Variants in GGA2 observed in about 807,000 individuals in gnomAD.
GGA2 encodes the protein ADP-ribosylation factor-binding protein GGA2.
A neutral mutation model predicts 79.5 loss-of-function variants in GGA2; 48 were observed. The observed-to-expected ratio is 0.60, with a 90% CI of 0.48 to 0.77. The LOEUF is 0.77. GGA2 is among the 30% of genes least tolerant of loss of function. The probability of loss-of-function intolerance (pLI) is 0.00; values close to 1 mark genes in which losing one functional copy is unlikely to be tolerated. For missense variants in GGA2, 770 were observed against 774.0 expected, an observed-to-expected ratio of 0.99 and a Z score of 0.06; for synonymous variants, 317 against 302.0, an observed-to-expected ratio of 1.05 and a Z score of -0.51.
intron 1 of GGA2, among the ~76,000 whole-genome samples, chr16:23,509,493 A>C (rs1020808123): frequency 2.6e-5 from 4 of 152,084 alleles, no homozygotes; most frequent in Admixed American, 6.6e-5. Context: ...ACCCACTAAA[A>C]AATGTTTTGG....
At position 23,467,409 on chromosome 16, in the gene GGA2, C is replaced by CACACACACACAG; in HGVS notation, c.*180_*181insCTGTGTGTGTGT. ...CCGAACACACACACACACACACACA[C>CACACACACACAG]ACACACACACACACACACACACACA... On this transcript the variant is annotated 3_prime_UTR_variant, in exon 17 of 17. Coordinates refer to ENST00000309859, the MANE Select transcript of GGA2 (RefSeq NM_015044.4). The CACACACACACAG allele has an allele frequency of 1.7e-6, 1 of 580,276 alleles. No individual in the cohort carries two copies. The allele number at this position is 580,276 out of a possible 1,614,324, so 35.9% of individuals were successfully genotyped here.
At chr16:23,491,530 T>TAAAAAAA in intron 5 of GGA2, 147 bp downstream of exon 5, 1 of 299,200 alleles carries the variant, frequency 3.3e-6, no homozygotes, top group Non-Finnish European at 5.9e-6. Flanking sequence ...ATTTATTGCG[T>TAAAAAAA]AAAAAAAAAA....
chr16:23,496,527 T>C (rs1409309066), intron 1 of GGA2, among the ~76,000 whole-genome samples: 1 of 151,896 alleles, frequency 6.6e-6, no homozygotes, highest in Non-Finnish European at 1.5e-5. Flanking sequence ...TCTTGACCGT[T>C]CATAAAACTT....
Position 23,467,503 on chromosome 16 carries a change from C to A in GGA2, c.*87G>T. Reference sequence around the variant, plus strand: ...CGTCAGGATAGGACTCTTGGCACTCCGCACTGAAACACCGTGATTAGTCCT... The same window carrying A: ...CGTCAGGATAGGACTCTTGGCACTCAGCACTGAAACACCGTGATTAGTCCT... On this transcript the variant is annotated 3_prime_UTR_variant, in exon 17 of 17. Coordinates refer to ENST00000309859, the MANE Select transcript of GGA2 (RefSeq NM_015044.4). The A allele has an allele frequency of 1.4e-6, 1 of 727,882 alleles. No homozygotes were observed. Among genetic ancestry groups the A allele is most frequent in the Non-Finnish European group, 2.5e-6 (1 of 401,124 alleles). The allele number at this position is 727,882 out of a possible 1,614,324, so 45.1% of individuals were successfully genotyped here. A position where few individuals can be genotyped will look rare whatever the true frequency, so the allele number is the denominator to read the frequency against.
At chr16:23,477,702 G>A (rs111881819) in intron 13 of GGA2, among the ~76,000 whole-genome samples, 2,302 of 152,124 alleles carry the variant, frequency 0.015, 26 homozygotes, top group African/African-American at 0.021. Flanking sequence ...AGCTGAGATC[G>A]CGCCACTGCA....
intron 9 of GGA2, among the ~76,000 whole-genome samples, chr16:23,481,176 C>G (rs540176403): frequency 6.6e-6 from 1 of 151,708 alleles, no homozygotes; most frequent in East Asian, 2.0e-4. Context: ...GTCAGGAGTT[C>G]GAGACTATCC....
chr16:23,499,895 G>A (rs1314627035), intron 1 of GGA2, among the ~76,000 whole-genome samples: 2 of 152,238 alleles, frequency 1.3e-5, no homozygotes, highest in African/African-American at 4.8e-5. Context: ...GCGGGGCCTG[G>A]TGAACCACGT....
chr16:23,470,489 G>A (rs934010563), intron 14 of GGA2, among the ~76,000 whole-genome samples: 14 of 152,106 alleles, frequency 9.2e-5, no homozygotes, highest in South Asian at 2.1e-4. Context: ...TCAGCCAGGC[G>A]TGGGGGCTCA....
chr16:23,483,809 G>A (rs912587716), intron 8 of GGA2, among the ~76,000 whole-genome samples: 9 of 151,528 alleles, frequency 5.9e-5, no homozygotes, highest in African/African-American at 1.7e-4. Context: ...CACCACGCCC[G>A]GCTGATACTG....
intron 10 of GGA2, 140 bp downstream of exon 10, chr16:23,480,505 C>T: frequency 2.8e-6 from 2 of 707,678 alleles, no homozygotes; most frequent in Non-Finnish European, 4.5e-6. Flanking sequence ...GCAACATATC[C>T]ACTTTCACAG....
chr16:23,519,596 T>C, exon 2 of GGA2: 1 of 424,808 alleles, frequency 2.4e-6, no homozygotes, highest in Non-Finnish European at 4.7e-6. Flanking sequence ...CCTTCAGGGC[T>C]AGGGCAGCTG....
In GGA2 at chr16:23,482,963, G is replaced by T. The variant is rs763821574; in HGVS notation, c.840C>A (p.Phe280Leu). Residue 280 changes from phenylalanine to leucine, a missense_variant, in exon 9 of 17, where the codon TTC becomes TTA. Phe to Leu is a conservative substitution (Grantham distance 22). Transcript: ENST00000309859. ...ERCEKLRPTL[F>L]RLASDTTDDD... Reference sequence around the variant, plus strand: ...CATCAGTGGTGTCACTCGCCAACCGGAACAGCGTGGGCCGCAGCTTTTCAC... The same window carrying T: ...CATCAGTGGTGTCACTCGCCAACCGTAACAGCGTGGGCCGCAGCTTTTCAC... 28 of 1,612,682 alleles carry T rather than the reference G, an allele frequency of 1.7e-5. No homozygotes were observed. The highest frequency in any genetic ancestry group is 2.3e-5 in the Non-Finnish European group (27 of 1,178,826).
At chr16:23,510,044 A>G (rs1010515014) in intron 1 of GGA2, among the ~76,000 whole-genome samples, 2 of 109,896 alleles carry the variant, frequency 1.8e-5, no homozygotes, top group African/African-American at 3.5e-5. Context: ...TCACGTAGCC[A>G]TTGGGGTGGG....
intron 9 of GGA2, among the ~76,000 whole-genome samples, chr16:23,481,887 AT>A (rs112980836): frequency 0.017 from 2,562 of 148,492 alleles, 26 homozygotes; most frequent in African/African-American, 0.023. Context: ...ATTTAGAACA[AT>A]TTTTTTTTTT....
At chr16:23,473,092 T>A (rs1476021582) in intron 14 of GGA2, among the ~76,000 whole-genome samples, 1 of 149,218 alleles carries the variant, frequency 6.7e-6, no homozygotes, top group Non-Finnish European at 1.5e-5. Context: ...ATAGTGCATA[T>A]ATATATAAGT....
At chr16:23,499,691 T>C (rs1596993081) in intron 1 of GGA2, among the ~76,000 whole-genome samples, 1 of 152,192 alleles carries the variant, frequency 6.6e-6, no homozygotes, top group African/African-American at 2.4e-5. Context: ...CTCGATCTCC[T>C]GACCTCGTGA....
chr16:23,512,198 G>C (rs1965074794), upstream of GGA2, among the ~76,000 whole-genome samples: 1 of 152,172 alleles, frequency 6.6e-6, no homozygotes, highest in South Asian at 2.1e-4. Context: ...AGTGGCAGTG[G>C]GCTGGACAGG....
Position 23,486,789 on chromosome 16 carries a change from A to C in GGA2, c.581T>G (p.Leu194Arg), listed in dbSNP as rs1233851252. 6.3e-7 allele frequency: 1 copy of C among 1,592,958 alleles called. No homozygotes were observed. Among genetic ancestry groups the C allele is most frequent in the Non-Finnish European group, 8.6e-7 (1 of 1,160,860 alleles). The change falls in exon 7 of 17, where the codon CTT becomes CGT. Residue 194 changes from leucine to arginine, a missense_variant and splice_region_variant. Physicochemically the swap from Leu to Arg is moderately radical, Grantham distance 102 (BLOSUM62 -2). Coordinates refer to ENST00000309859, the MANE Select transcript of GGA2 (RefSeq NM_015044.4). ...GTTGCTCTTTAGAAGCCTTGTCAGA[A>C]GCTGCAGAGAGTGAACAGGAAGAGT... ...IFDADEEKSK[L>R]LTRLLKSNHP...
At chr16:23,494,478 G>A in intron 2 of GGA2, 100 bp from the exon 3 acceptor site, 2 of 833,090 alleles carry the variant, frequency 2.4e-6, no homozygotes, top group Admixed American at 1.9e-5. Flanking sequence ...CCAGGGGCTG[G>A]TGTCCAAAAG....
Sources: allele counts gnomAD v4.1 joint callset (sites outside exome capture counted in the v4.1 genomes callset), GRCh38; gene constraint gnomAD v4.1.1; transcripts MANE v1.5; gene names NCBI Gene and HGNC (gene_info 2026-07-23, HGNC 2026-07-21).